KCNH7: variants seen among roughly 807,000 people sequenced by gnomAD.
KCNH7 encodes potassium voltage-gated channel subfamily H member 7.
Under a neutral mutation model 120.8 loss-of-function variants are expected in KCNH7, and 49 were observed. The ratio of observed to expected loss-of-function variants is 0.41; its 90% confidence interval spans 0.32 to 0.51. The LOEUF (loss-of-function observed/expected upper bound fraction) is 0.51, where lower values mean the gene tolerates loss of function less well. KCNH7 is among the 20% of genes least tolerant of loss of function. The probability of loss-of-function intolerance (pLI) is 0.38; values close to 1 mark genes in which losing one functional copy is unlikely to be tolerated. For synonymous variants in KCNH7, 547 were observed against 516.1 expected (o/e 1.06, Z -0.81); for missense variants, 1,097 against 1,446.6 (o/e 0.76, Z 3.92).
chr2:162,483,675 C>A (rs1690002506), intron 6 of KCNH7, among the ~76,000 whole-genome samples: 1 of 151,792 alleles, frequency 6.6e-6, no homozygotes. Context: ...GAGTAATAAC[C>A]CTCTAAATTT....
intron 2 of KCNH7, among the ~76,000 whole-genome samples, chr2:162,825,797 A>AT (rs1373649714): frequency 2.6e-5 from 4 of 152,114 alleles, no homozygotes; most frequent in African/African-American, 9.7e-5. Context: ...CTCAGTGAGG[A>AT]AAACAAGCTA....
At chr2:162,478,216 A>G (rs564841779) in intron 6 of KCNH7, among the ~76,000 whole-genome samples, 2 of 152,232 alleles carry the variant, frequency 1.3e-5, no homozygotes, top group Non-Finnish European at 2.9e-5. Flanking sequence ...AAGGCTCCCA[A>G]TGATCTGGGT....
intron 6 of KCNH7, among the ~76,000 whole-genome samples, chr2:162,504,119 A>G (rs948125136): frequency 5.9e-5 from 9 of 151,984 alleles, no homozygotes; most frequent in Non-Finnish European, 1.0e-4. Context: ...ATATTAAAAA[A>G]CCATGTTTTA....
At chr2:162,693,069 C>T (rs1686171509) in intron 2 of KCNH7, among the ~76,000 whole-genome samples, 1 of 151,502 alleles carries the variant, frequency 6.6e-6, no homozygotes, top group Admixed American at 6.6e-5. Context: ...GTTGAGTAGT[C>T]CACATATATA....
intron 2 of KCNH7, among the ~76,000 whole-genome samples, chr2:162,540,031 T>C (rs992921558): frequency 6.6e-6 from 1 of 151,936 alleles, no homozygotes; most frequent in Non-Finnish European, 1.5e-5. Flanking sequence ...TTCTCTTGAA[T>C]GCAACATTGG....
chr2:162,788,685 A>G (rs953196328), intron 2 of KCNH7, among the ~76,000 whole-genome samples: 1 of 152,100 alleles, frequency 6.6e-6, no homozygotes, highest in African/African-American at 2.4e-5. Context: ...ACAAACTAAA[A>G]AAAAGAAATA....
At chr2:162,514,855 G>C (rs1156860867) in intron 4 of KCNH7, among the ~76,000 whole-genome samples, 1 of 151,642 alleles carries the variant, frequency 6.6e-6, no homozygotes, top group Non-Finnish European at 1.5e-5. Context: ...TAATATATCT[G>C]CAAAATATTT....
At chr2:162,372,958 G>A (rs1404664271) in intron 15 of KCNH7, among the ~76,000 whole-genome samples, 4 of 152,100 alleles carry the variant, frequency 2.6e-5, no homozygotes, top group Non-Finnish European at 5.9e-5. Flanking sequence ...GATGGGTGGG[G>A]TACAGACAAG....
chr2:162,601,616 A>C (rs1440800468), intron 2 of KCNH7, among the ~76,000 whole-genome samples: 3 of 151,846 alleles, frequency 2.0e-5, no homozygotes, highest in Non-Finnish European at 4.4e-5. Context: ...TCTTCTTTGA[A>C]GGTTAATAAT....
rs570964480 is a variant in KCNH7, at chr2:162,669,567, A to G, written c.308-132487T>C. On this transcript the variant is annotated intron_variant, in intron 2 of 15. Transcript: ENST00000332142. Reference sequence around the variant, plus strand: ...TTAATAACAAGGACACTTTTAAAGCAGTGGTTCCCAAATGGGAGTAATTTT... The same window carrying G: ...TTAATAACAAGGACACTTTTAAAGCGGTGGTTCCCAAATGGGAGTAATTTT... Among the ~76,000 whole-genome samples, 244 of 152,364 alleles carry G rather than the reference A, an allele frequency of 1.6e-3. 1 individual carries two copies. The highest frequency in any genetic ancestry group is 5.6e-3 in the African/African-American group (234 of 41,588).
At chr2:162,605,330 G>C (rs1424710232) in intron 2 of KCNH7, among the ~76,000 whole-genome samples, 1 of 152,104 alleles carries the variant, frequency 6.6e-6, no homozygotes, top group Non-Finnish European at 1.5e-5. Context: ...ATTAATTACT[G>C]TCACAGACTA....
chr2:162,699,766 C>T (rs538997752), intron 2 of KCNH7, among the ~76,000 whole-genome samples: 4 of 152,214 alleles, frequency 2.6e-5, no homozygotes, highest in Admixed American at 2.6e-4. Flanking sequence ...CTGGTGAACA[C>T]AGTTTCTTTC....
intron 2 of KCNH7, among the ~76,000 whole-genome samples, chr2:162,573,701 T>C (rs1338562133): frequency 6.6e-6 from 1 of 152,056 alleles, no homozygotes; most frequent in African/African-American, 2.4e-5. Flanking sequence ...TTAACAATAA[T>C]TTAACAAAAT....
At chr2:162,767,828 G>A (rs995309488) in intron 2 of KCNH7, among the ~76,000 whole-genome samples, 1 of 151,972 alleles carries the variant, frequency 6.6e-6, no homozygotes, top group Non-Finnish European at 1.5e-5. Context: ...TTTAATTCAG[G>A]ATTTTAAATT....
At chr2:162,528,795 T>C (rs1204013566) in intron 3 of KCNH7, among the ~76,000 whole-genome samples, 2 of 152,012 alleles carry the variant, frequency 1.3e-5, no homozygotes, top group Admixed American at 6.6e-5. Context: ...GTGAGACTAT[T>C]ATATCAGTCC....
chr2:162,629,838 T>C (rs75091638), intron 2 of KCNH7, among the ~76,000 whole-genome samples: 2,174 of 152,230 alleles, frequency 0.014, 58 homozygotes, highest in African/African-American at 0.049. Flanking sequence ...TTGAAGTGAA[T>C]CTTTAGAGAC....
At chr2:162,546,633 C>A (rs561221880) in intron 2 of KCNH7, among the ~76,000 whole-genome samples, 1 of 152,054 alleles carries the variant, frequency 6.6e-6, no homozygotes, top group Non-Finnish European at 1.5e-5. Context: ...CCATGATGTC[C>A]GTATGACTGT....
chr2:162,473,076 T>C (rs1364956806), intron 6 of KCNH7, among the ~76,000 whole-genome samples: 1 of 149,590 alleles, frequency 6.7e-6, no homozygotes, highest in Admixed American at 6.7e-5. Context: ...TGTTGTGGGG[T>C]AGGGGGAGAG....
At chr2:162,373,350 T>A in intron 15 of KCNH7, 120 bp downstream of exon 15, 1 of 597,114 alleles carries the variant, frequency 1.7e-6, no homozygotes, top group South Asian at 6.2e-5. Flanking sequence ...TCTATTTGAG[T>A]AGAAACAGAG....
Sources: gnomAD v4.1 joint callset for allele counts (sites outside exome capture counted in the v4.1 genomes callset) on GRCh38, gnomAD v4.1.1 for gene constraint, MANE v1.5 for transcripts, NCBI Gene and HGNC (gene_info 2026-07-23, HGNC 2026-07-21) for gene names.